Variants in CEP170 observed in about 807,000 individuals in gnomAD.
CEP170 encodes centrosomal protein of 170 kDa.
In CEP170, 21 loss-of-function variants were observed where a neutral mutation model predicts 151.9. The observed-to-expected ratio is 0.14, with a 90% CI of 0.10 to 0.20. The LOEUF (loss-of-function observed/expected upper bound fraction) is 0.20, where lower values mean the gene tolerates loss of function less well. Ranked by LOEUF, CEP170 falls within the 10% of genes least tolerant of loss-of-function variation. The pLI is 1.00. For synonymous variants in CEP170, 356 were observed against 648.8 expected, an observed-to-expected ratio of 0.55 and a Z score of 6.86; for missense variants, 964 against 1,892.9, an observed-to-expected ratio of 0.51 and a Z score of 9.11.
Position 243,125,427 on chromosome 1 carries a change from T to C in CEP170, c.*1022A>G, listed in dbSNP as rs185491327. 15 of 152,814 alleles carry C rather than the reference T, an allele frequency of 9.8e-5. No individual in the cohort carries two copies. Among genetic ancestry groups the C allele is most frequent in the African/African-American group, 3.6e-4 (15 of 41,576 alleles). 9.5% of individuals were successfully genotyped at this position (152,814 alleles called of 1,614,324 possible). A position where few individuals can be genotyped will look rare whatever the true frequency, so the allele number is the denominator to read the frequency against. The stretch of plus-strand genomic sequence containing the variant: ...AATTCATTGCTTGGGAGTGAAACTA[T>C]CAACTAATCTTACGACTACTGGTTC... On this transcript the variant is annotated 3_prime_UTR_variant, in exon 20 of 20. Transcript: ENST00000366542.
rs2058950695 is a variant in CEP170, at chr1:243,172,779, A to C, written c.1634T>G (p.Ile545Arg). The C allele has an allele frequency of 5.7e-6, 9 of 1,575,214 alleles. No individual in the cohort carries two copies. The highest frequency in any genetic ancestry group is 6.0e-6 in the Non-Finnish European group (7 of 1,159,224). ...PVINEKHKDLIKDWALSSAAA... is the reference protein window; with the variant it reads ...PVINEKHKDLRKDWALSSAAA... ...AGCAGAACTGAGAGCCCAATCTTTTATTAGATCTTTATGTTTTTCGTTGAT... is the reference window on the plus strand; with the variant it reads ...AGCAGAACTGAGAGCCCAATCTTTTCTTAGATCTTTATGTTTTTCGTTGAT... The change falls in exon 11 of 20, where the codon ATA (isoleucine) becomes AGA (arginine). Residue 545 changes from isoleucine (I) to arginine (R), a missense_variant. Ile to Arg is a moderately conservative substitution (Grantham distance 97, BLOSUM62 -3). Coordinates refer to ENST00000366542, the MANE Select transcript of CEP170 (RefSeq NM_014812.3).
At chr1:243,234,189 C>T (rs1318603513) in intron 1 of CEP170, among the ~76,000 whole-genome samples, 1 of 152,090 alleles carries the variant, frequency 6.6e-6, no homozygotes, top group Non-Finnish European at 1.5e-5. Context: ...TCGGTCTACA[C>T]AGTAGAGAAA....
At position 243,172,827 on chromosome 1, in the gene CEP170, T is replaced by C. The variant is rs749700576; in HGVS notation, c.1586A>G (p.Asn529Ser). The change falls in exon 11 of 20, where the codon AAT (asparagine) becomes AGT (serine). Residue 529 changes from asparagine (N) to serine (S), a missense_variant. Physicochemically the swap from Asn to Ser is conservative, Grantham distance 46 (BLOSUM62 1). Transcript: ENST00000366542. ...GATAACAGGCCTATTATAATCCTGATTGTCATCTACTCCAAACACCTAGAG... is the reference window on the plus strand; with the variant it reads ...GATAACAGGCCTATTATAATCCTGACTGTCATCTACTCCAAACACCTAGAG... Reference protein sequence around the residue: ...MIDKVFGVDDNQDYNRPVINE... With the variant: ...MIDKVFGVDDSQDYNRPVINE... 2.0e-5 allele frequency: 31 copies of C among 1,569,364 alleles called. No homozygotes were observed. In the East Asian group the frequency reaches 3.0e-4, roughly 15 times the overall value.
At chr1:243,146,655 AG>A (rs1343717879) in intron 14 of CEP170, among the ~76,000 whole-genome samples, 1 of 151,780 alleles carries the variant, frequency 6.6e-6, no homozygotes, top group Admixed American at 6.6e-5. Flanking sequence ...AAGGTTTACA[AG>A]GCATGGGAAG....
In CEP170 at chr1:243,241,677, C is replaced by A. The variant is rs541881170; in HGVS notation, c.-42+13363G>T. On this transcript the variant is annotated intron_variant, in intron 1 of 19. Coordinates refer to ENST00000366542, the MANE Select transcript of CEP170 (RefSeq NM_014812.3). ...TGGTGGCAGGCGCCTGTAATCCCAG[C>A]TAATCGGGTGGCTGAAGCAGGAGAA... is the stretch of plus-strand genomic sequence containing the variant. 1.2e-3 allele frequency among the ~76,000 whole-genome samples: 178 copies of A among 151,772 alleles called. 1 individual carries two copies. The highest frequency in any genetic ancestry group is 4.1e-3 in the African/African-American group (171 of 41,342).
intron 16 of CEP170, among the ~76,000 whole-genome samples, chr1:243,138,964 C>T (rs980425005): frequency 4.6e-5 from 7 of 152,186 alleles, no homozygotes; most frequent in South Asian, 2.1e-4. Flanking sequence ...TACCTTTCCT[C>T]CAATACTTAA....
At chr1:243,184,787 G>C (rs1019716461) in intron 10 of CEP170, among the ~76,000 whole-genome samples, 14 of 151,648 alleles carry the variant, frequency 9.2e-5, no homozygotes, top group African/African-American at 3.4e-4. Context: ...ATCTAAATAA[G>C]TGCATCTCAA....
chr1:243,188,807 T>C (rs1250740483), intron 8 of CEP170, among the ~76,000 whole-genome samples: 1 of 152,252 alleles, frequency 6.6e-6, no homozygotes. Context: ...GTAAAATTTT[T>C]ATTATTTGCT....
rs987120825 is a variant in CEP170 at position 243,169,612 on chromosome 1, G to A, written c.1843+16C>T. On this transcript the variant is annotated intron_variant, in intron 12 of 19. Coordinates refer to ENST00000366542, the MANE Select transcript of CEP170 (RefSeq NM_014812.3). ...AAGAAAAAAGGGATAAAGAATGAAA[G>A]AGAGAAAGAGAATACCATTCTCTAA... 1.9e-6 allele frequency: 3 copies of A among 1,559,982 alleles called. No homozygotes were observed. Among genetic ancestry groups the A allele is most frequent in the Admixed American group, 1.9e-5 (1 of 51,724 alleles).
At chr1:243,252,850 A>C (rs2066066269) in intron 1 of CEP170, among the ~76,000 whole-genome samples, 1 of 152,198 alleles carries the variant, frequency 6.6e-6, no homozygotes, top group African/African-American at 2.4e-5. Flanking sequence ...TTATAAGGGA[A>C]GAAAAAAGCA....
At chr1:243,174,763 C>T (rs1382081366) in intron 10 of CEP170, among the ~76,000 whole-genome samples, 2 of 152,106 alleles carry the variant, frequency 1.3e-5, no homozygotes, top group Non-Finnish European at 2.9e-5. Context: ...AAAACTGCTT[C>T]GTTTTGCTTA....
chr1:243,238,880 ATCT>A (rs1460599912), intron 1 of CEP170, among the ~76,000 whole-genome samples: 2 of 152,154 alleles, frequency 1.3e-5, no homozygotes, highest in Admixed American at 1.3e-4. Context: ...ACCTCTCAAT[ATCT>A]TTGACCATTC....
intron 10 of CEP170, among the ~76,000 whole-genome samples, chr1:243,179,752 G>C (rs2059498667): frequency 6.6e-6 from 1 of 152,130 alleles, no homozygotes; most frequent in African/African-American, 2.4e-5. Flanking sequence ...GATATTTATT[G>C]AGTGTCTATT....
chr1:243,187,007 CAT>C (rs1303948475), intron 8 of CEP170, among the ~76,000 whole-genome samples: 10 of 152,254 alleles, frequency 6.6e-5, no homozygotes, highest in African/African-American at 2.2e-4. Context: ...ATTTTTTCCA[CAT>C]ATCTTTCCAG....
chr1:243,211,162 A>T (rs1320400896), intron 4 of CEP170: 1 of 151,598 alleles, frequency 6.6e-6, no homozygotes, highest in Non-Finnish European at 1.5e-5. Context: ...ATTTTAATTA[A>T]ATGTACATAA....
At chr1:243,215,990 G>A (rs528040904) in intron 3 of CEP170, among the ~76,000 whole-genome samples, 2 of 151,422 alleles carry the variant, frequency 1.3e-5, no homozygotes, top group Non-Finnish European at 2.9e-5. Flanking sequence ...TGAATTATCG[G>A]GGGTAGGTTC....
intron 1 of CEP170, among the ~76,000 whole-genome samples, chr1:243,246,831 G>T (rs748029157): frequency 6.6e-6 from 1 of 152,052 alleles, no homozygotes; most frequent in Non-Finnish European, 1.5e-5. Context: ...TGCATTATAT[G>T]CATTTTTTAT....
At chr1:243,216,507 G>C (rs2062313996) in intron 3 of CEP170, among the ~76,000 whole-genome samples, 1 of 152,074 alleles carries the variant, frequency 6.6e-6, no homozygotes, top group South Asian at 2.1e-4. Flanking sequence ...AGATGGCCAT[G>C]ATAGCTTATT....
At chr1:243,176,610 A>G (rs2059272503) in intron 10 of CEP170, 2 of 221,332 alleles carry the variant, frequency 9.0e-6, no homozygotes, top group Admixed American at 4.9e-5. Flanking sequence ...ATACATTTGT[A>G]TATTTGGCAT....
Sources: allele counts gnomAD v4.1 joint callset (sites outside exome capture counted in the v4.1 genomes callset), GRCh38; gene constraint gnomAD v4.1.1; transcripts MANE v1.5; gene names NCBI Gene and HGNC (gene_info 2026-07-23, HGNC 2026-07-21).